FBXO42: variants seen among roughly 807,000 people sequenced by gnomAD.
FBXO42 encodes the protein F-box only protein 42.
Under a neutral mutation model 71.7 loss-of-function variants are expected in FBXO42, and 12 were observed. That is an observed-to-expected ratio of 0.17 (90% confidence interval 0.11 to 0.27). FBXO42 has a LOEUF of 0.27. FBXO42 is among the 10% of genes least tolerant of loss of function. FBXO42 has a pLI of 1.00. For missense variants in FBXO42, 707 were observed against 911.9 expected (o/e 0.78, Z 2.89); for synonymous variants, 325 against 327.5 (o/e 0.99, Z 0.08).
intron 4 of FBXO42, among the ~76,000 whole-genome samples, chr1:16,261,086 C>T (rs2081706808): frequency 6.6e-6 from 1 of 152,232 alleles, no homozygotes; most frequent in Non-Finnish European, 1.5e-5. Flanking sequence ...TTGCCACAAA[C>T]AAGTCTGATG....
chr1:16,326,736 ATGT>A (rs1452699543), intron 1 of FBXO42, among the ~76,000 whole-genome samples: 2 of 150,880 alleles, frequency 1.3e-5, no homozygotes, highest in Non-Finnish European at 3.0e-5. Context: ...CTGATAGGTG[ATGT>A]TTTTTCTAGG....
chr1:16,341,142 A>G (rs1167443036), intron 1 of FBXO42, among the ~76,000 whole-genome samples: 1 of 152,232 alleles, frequency 6.6e-6, no homozygotes, highest in Non-Finnish European at 1.5e-5. Context: ...CGTATATAGT[A>G]GGAAAACCTT....
At chr1:16,309,578 C>T (rs1413282219) in intron 2 of FBXO42, among the ~76,000 whole-genome samples, 2 of 152,038 alleles carry the variant, frequency 1.3e-5, no homozygotes, top group Non-Finnish European at 2.9e-5. Context: ...ACTTTTTATA[C>T]ACAGTACCAA....
chr1:16,274,140 T>C (rs921195662), intron 4 of FBXO42, among the ~76,000 whole-genome samples: 7 of 151,130 alleles, frequency 4.6e-5, no homozygotes, highest in Admixed American at 1.3e-4. Flanking sequence ...CAGTACCCCA[T>C]CTCTACAAAA....
At chr1:16,285,596 T>C (rs974412045) in intron 4 of FBXO42, among the ~76,000 whole-genome samples, 11 of 152,142 alleles carry the variant, frequency 7.2e-5, no homozygotes, top group African/African-American at 2.7e-4. Flanking sequence ...CTAAAATGTA[T>C]TACAAACTGG....
intron 4 of FBXO42, among the ~76,000 whole-genome samples, chr1:16,281,090 G>A (rs2081958813): frequency 6.6e-6 from 1 of 152,148 alleles, no homozygotes. Context: ...AGCCTCCCGA[G>A]TAGCTGGGAT....
intron 4 of FBXO42, among the ~76,000 whole-genome samples, chr1:16,271,744 GTGTT>G (rs1301820501): frequency 3.9e-5 from 6 of 151,990 alleles, no homozygotes; most frequent in African/African-American, 7.2e-5. Flanking sequence ...TACCACATAA[GTGTT>G]TGGTTTTCTT....
At chr1:16,337,414 GA>G (rs1315907331) in intron 1 of FBXO42, among the ~76,000 whole-genome samples, 1 of 152,076 alleles carries the variant, frequency 6.6e-6, no homozygotes, top group Non-Finnish European at 1.5e-5. Context: ...ACTCTGTGAG[GA>G]ACATATTATC....
intron 1 of FBXO42, among the ~76,000 whole-genome samples, chr1:16,348,422 G>A (rs182873911): frequency 2.0e-5 from 3 of 152,220 alleles, no homozygotes; most frequent in Admixed American, 1.3e-4. Context: ...TAATTCGTCG[G>A]GAGCGGTGGC....
chr1:16,289,628 C>T (rs1415981964), intron 4 of FBXO42, among the ~76,000 whole-genome samples: 2 of 136,638 alleles, frequency 1.5e-5, no homozygotes, highest in African/African-American at 5.6e-5. Flanking sequence ...ACATGCCATT[C>T]TCACTTCCCT....
At position 16,255,783 on chromosome 1, in the gene FBXO42, A is replaced by G; in HGVS notation, c.695T>C (p.Met232Thr). Residue 232 changes from methionine (M) to threonine (T), a missense_variant, in exon 6 of 10, where the codon ATG (methionine) becomes ACG (threonine). By Grantham distance (81) the Met-to-Thr change is moderately conservative (BLOSUM62 -1). Coordinates refer to ENST00000375592, the MANE Select transcript of FBXO42 (RefSeq NM_018994.3). ...CIVTTHGPPP[M>T]AGHSSCVIDD... is the part of the protein sequence containing the mutation. The stretch of plus-strand genomic sequence containing the variant: ...TATCACACAGGAGGAGTGGCCAGCC[A>G]TGGGAGGTGGCCCATGGGTTGTCAC... 2 of 1,614,108 alleles carry G rather than the reference A, an allele frequency of 1.2e-6. No homozygotes were observed. Among genetic ancestry groups the G allele is most frequent in the East Asian group, 2.2e-5 (1 of 44,884 alleles).
chr1:16,269,940 C>T (rs1389605908), intron 4 of FBXO42, among the ~76,000 whole-genome samples: 1 of 152,082 alleles, frequency 6.6e-6, no homozygotes. Flanking sequence ...ACTGCAACCT[C>T]CGCCTCCCAG....
intron 2 of FBXO42, among the ~76,000 whole-genome samples, chr1:16,314,771 C>T (rs1163559409): frequency 6.6e-6 from 1 of 151,944 alleles, no homozygotes; most frequent in Non-Finnish European, 1.5e-5. Flanking sequence ...GTAGTCCCAG[C>T]TACTCTGGAG....
chr1:16,257,365 C>T (rs2081657627), intron 4 of FBXO42, among the ~76,000 whole-genome samples: 1 of 152,116 alleles, frequency 6.6e-6, no homozygotes, highest in Non-Finnish European at 1.5e-5. Context: ...ACCAGATAGC[C>T]TCAGCCTAGC....
Position 16,248,993 on chromosome 1 carries a change from T to A in FBXO42, c.*1677A>T, listed in dbSNP as rs1387111900. 2.0e-5 allele frequency: 3 copies of A among 152,272 alleles called. No individual in the cohort carries two copies. The highest frequency in any genetic ancestry group is 4.4e-5 in the Non-Finnish European group (3 of 68,046). 9.4% of individuals were successfully genotyped at this position (152,272 alleles called of 1,614,324 possible). ...TCAGTACACTTAGGCTGCCAGATGCTGGCTGAAAGCCAGGACCCAGGGCCA... is the reference window on the plus strand; with the variant it reads ...TCAGTACACTTAGGCTGCCAGATGCAGGCTGAAAGCCAGGACCCAGGGCCA... On this transcript the variant is annotated 3_prime_UTR_variant, in exon 10 of 10. Coordinates refer to ENST00000375592, the MANE Select transcript of FBXO42 (RefSeq NM_018994.3).
At chr1:16,297,394 G>A (rs2082141099) in intron 3 of FBXO42, among the ~76,000 whole-genome samples, 1 of 152,106 alleles carries the variant, frequency 6.6e-6, no homozygotes, top group Non-Finnish European at 1.5e-5. Context: ...CTCAGTCAGT[G>A]GAAGGGTTAA....
intron 2 of FBXO42, among the ~76,000 whole-genome samples, chr1:16,308,787 C>T (rs956996126): frequency 5.6e-5 from 8 of 141,628 alleles, no homozygotes; most frequent in Non-Finnish European, 1.2e-4. Context: ...CTCTGCTGCC[C>T]AGGCTGGAGT....
intron 4 of FBXO42, among the ~76,000 whole-genome samples, chr1:16,289,251 G>T (rs576677429): frequency 3.6e-4 from 54 of 151,800 alleles, no homozygotes; most frequent in Admixed American, 1.6e-3. Flanking sequence ...AGAAAGAAAA[G>T]AAAATGTCCC....
chr1:16,260,920 T>A (rs1481853400), intron 4 of FBXO42, among the ~76,000 whole-genome samples: 1 of 152,042 alleles, frequency 6.6e-6, no homozygotes, highest in Non-Finnish European at 1.5e-5. Flanking sequence ...CCCAGACTGG[T>A]CTTAAACTCC....
Sources: gnomAD v4.1 joint callset for allele counts (sites outside exome capture counted in the v4.1 genomes callset) on GRCh38, gnomAD v4.1.1 for gene constraint, MANE v1.5 for transcripts, NCBI Gene and HGNC (gene_info 2026-07-23, HGNC 2026-07-21) for gene names.